Variants in UNC5C observed in about 807,000 individuals in gnomAD.
UNC5C encodes the protein unc-5 netrin receptor C.
In UNC5C, 47 loss-of-function variants were observed where a neutral mutation model predicts 99.8. The observed-to-expected ratio is 0.47, with a 90% CI of 0.37 to 0.60. The LOEUF is 0.60. Among genes scored for constraint, UNC5C ranks in the 20% least tolerant of loss-of-function variants. The probability of loss-of-function intolerance (pLI) is 0.00; values close to 1 mark genes in which losing one functional copy is unlikely to be tolerated. For missense variants in UNC5C, 1,062 were observed against 1,165.9 expected (o/e 0.91, Z 1.30); for synonymous variants, 487 against 452.2 (o/e 1.08, Z -0.98).
intron 1 of UNC5C, among the ~76,000 whole-genome samples, chr4:95,495,134 T>C (rs1272848211): frequency 6.6e-6 from 1 of 151,618 alleles, no homozygotes; most frequent in Non-Finnish European, 1.5e-5. Context: ...TTAATTTTTC[T>C]CATTTCAAAG....
intron 1 of UNC5C, among the ~76,000 whole-genome samples, chr4:95,352,470 T>G (rs112968380): frequency 6.6e-6 from 1 of 152,342 alleles, no homozygotes; most frequent in Non-Finnish European, 1.5e-5. Context: ...TGATTATTTC[T>G]TACTACCTAT....
intron 1 of UNC5C, among the ~76,000 whole-genome samples, chr4:95,397,821 G>C (rs1433746343): frequency 1.3e-5 from 2 of 152,106 alleles, no homozygotes; most frequent in Non-Finnish European, 2.9e-5. Context: ...AATTAACTGT[G>C]CAAAGCAAAG....
intron 1 of UNC5C, among the ~76,000 whole-genome samples, chr4:95,362,896 C>T (rs1744438731): frequency 1.3e-5 from 2 of 151,674 alleles, no homozygotes; most frequent in Admixed American, 1.3e-4. Flanking sequence ...AGTGGAAATA[C>T]AAATGTGTTA....
chr4:95,452,330 A>T (rs1747301532), intron 1 of UNC5C, among the ~76,000 whole-genome samples: 1 of 152,148 alleles, frequency 6.6e-6, no homozygotes, highest in East Asian at 1.9e-4. Context: ...TTGAACACAT[A>T]AAATATTAAG....
chr4:95,411,931 C>T (rs1453357849), intron 1 of UNC5C, among the ~76,000 whole-genome samples: 1 of 151,854 alleles, frequency 6.6e-6, no homozygotes, highest in Non-Finnish European at 1.5e-5. Flanking sequence ...GTGGCCTTCC[C>T]TGGCCTCTTG....
At chr4:95,433,381 T>A (rs1746686715) in intron 1 of UNC5C, among the ~76,000 whole-genome samples, 1 of 152,150 alleles carries the variant, frequency 6.6e-6, no homozygotes, top group African/African-American at 2.4e-5. Context: ...GGATTTTGTA[T>A]GATTATTATA....
chr4:95,365,295 C>CAAAA (rs11332755), intron 1 of UNC5C, among the ~76,000 whole-genome samples: 1 of 108,030 alleles, frequency 9.3e-6, no homozygotes, highest in African/African-American at 3.2e-5. Context: ...GAATCTGTCT[C>CAAAA]AAAAAAAAAA....
chr4:95,288,379 A>G (rs10019155), intron 3 of UNC5C, among the ~76,000 whole-genome samples: 100,151 of 151,928 alleles, frequency 0.66, 33,985 homozygotes, highest in African/African-American at 0.83. Context: ...CACCGTGCCC[A>G]GCACTTTACA....
rs1735800315 is a variant in UNC5C, at chr4:95,164,813, A to G, written c.*4421T>C. The G allele has an allele frequency of 6.6e-6, 1 of 152,262 alleles. No homozygotes were observed. Among genetic ancestry groups the G allele is most frequent in the Non-Finnish European group, 1.5e-5 (1 of 68,048 alleles). The allele number at this position is 152,262 out of a possible 1,614,324, so 9.4% of individuals were successfully genotyped here. On this transcript the variant is annotated 3_prime_UTR_variant, in exon 16 of 16. Transcript: ENST00000453304. ...TGAAACTGATGACTTGTCCAGAACA[A>G]CTGCCCAGCAAAAGCTAAGACTCAT...
intron 2 of UNC5C, among the ~76,000 whole-genome samples, chr4:95,316,448 T>C (rs1742479720): frequency 1.3e-5 from 2 of 152,084 alleles, no homozygotes; most frequent in Admixed American, 6.6e-5. Flanking sequence ...CACCCTCTCA[T>C]AGGCGCTTCG....
chr4:95,210,517 A>G lies in UNC5C; in HGVS notation c.1734-3721T>C, dbSNP rs1342376095. The stretch of plus-strand genomic sequence containing the variant: ...ATAGCAGAAAATAAAAATATCTCAG[A>G]TTCTTGTTTTTGCAGAGAAGGACTT... On this transcript the variant is annotated intron_variant, in intron 10 of 15. Coordinates refer to ENST00000453304, the MANE Select transcript of UNC5C (RefSeq NM_003728.4). Among the ~76,000 whole-genome samples, 9 of 152,324 alleles carry G rather than the reference A, an allele frequency of 5.9e-5. No homozygotes were observed. In the South Asian group the frequency reaches 8.3e-4, roughly 14 times the overall value.
intron 1 of UNC5C, among the ~76,000 whole-genome samples, chr4:95,431,593 C>T (rs753524157): frequency 3.3e-5 from 5 of 151,686 alleles, no homozygotes; most frequent in South Asian, 4.2e-4. Context: ...GGAGTAGAAC[C>T]GTCGACATGT....
chr4:95,222,932 A>C (rs973077484), intron 7 of UNC5C, among the ~76,000 whole-genome samples: 9 of 152,332 alleles, frequency 5.9e-5, no homozygotes, highest in African/African-American at 1.9e-4. Context: ...TTAGAAAATC[A>C]ATAGGGCCTA....
At chr4:95,171,948 G>A (rs1278077337) in intron 14 of UNC5C, among the ~76,000 whole-genome samples, 13 of 151,332 alleles carry the variant, frequency 8.6e-5, no homozygotes, top group Non-Finnish European at 1.5e-4. Context: ...GTGTGAGATG[G>A]TATCTCATTG....
intron 1 of UNC5C, among the ~76,000 whole-genome samples, chr4:95,366,701 T>C (rs953356241): frequency 1.3e-5 from 2 of 152,194 alleles, no homozygotes; most frequent in East Asian, 3.9e-4. Context: ...ATGACAACCC[T>C]AAGAGGTCTT....
At chr4:95,180,421 T>C (rs2149349257) in intron 14 of UNC5C, among the ~76,000 whole-genome samples, 1 of 152,374 alleles carries the variant, frequency 6.6e-6, no homozygotes, top group African/African-American at 2.4e-5. Context: ...TGCACTTGTC[T>C]ATGAAACCAA....
intron 1 of UNC5C, among the ~76,000 whole-genome samples, chr4:95,341,449 T>A (rs572926111): frequency 6.9e-6 from 1 of 144,690 alleles, no homozygotes; most frequent in Non-Finnish European, 1.5e-5. Flanking sequence ...ACCATTTTTT[T>A]TATAAGAAAG....
chr4:95,215,863 A>AT (rs1225601135), intron 10 of UNC5C, among the ~76,000 whole-genome samples: 1 of 152,052 alleles, frequency 6.6e-6, no homozygotes. Context: ...ATTTCTGGAC[A>AT]TTTTTCCAGG....
intron 2 of UNC5C, among the ~76,000 whole-genome samples, chr4:95,303,772 T>C (rs1008282097): frequency 1.3e-5 from 2 of 152,146 alleles, no homozygotes; most frequent in Admixed American, 6.5e-5. Flanking sequence ...TATACATATA[T>C]GATATATAAA....
Sources: gnomAD v4.1 joint callset for allele counts (sites outside exome capture counted in the v4.1 genomes callset) on GRCh38, gnomAD v4.1.1 for gene constraint, MANE v1.5 for transcripts, NCBI Gene and HGNC (gene_info 2026-07-23, HGNC 2026-07-21) for gene names.